The following CTNND2 variants were observed in gnomAD, a reference collection of about 807,000 sequenced individuals.
CTNND2 encodes catenin delta-2.
In CTNND2, 22 loss-of-function variants were observed where a neutral mutation model predicts 144.4. The observed-to-expected ratio is 0.15, with a 90% CI of 0.11 to 0.22. The LOEUF (loss-of-function observed/expected upper bound fraction) is 0.22, where lower values mean the gene tolerates loss of function less well. Ranked by LOEUF, CTNND2 falls within the 10% of genes least tolerant of loss-of-function variation. CTNND2 has a pLI of 1.00. For missense variants in CTNND2, 1,353 were observed against 1,618.8 expected, an observed-to-expected ratio of 0.84 and a Z score of 2.82; for synonymous variants, 751 against 695.6, an observed-to-expected ratio of 1.08 and a Z score of -1.25.
intron 10 of CTNND2, among the ~76,000 whole-genome samples, chr5:11,219,934 C>T (rs143176567): frequency 6.6e-6 from 1 of 152,244 alleles, no homozygotes; most frequent in African/African-American, 2.4e-5. Context: ...AATAGGGGGC[C>T]TACTTCTCAC....
intron 9 of CTNND2, among the ~76,000 whole-genome samples, chr5:11,293,617 TCA>T (rs1748593137): frequency 6.6e-6 from 1 of 151,742 alleles, no homozygotes; most frequent in Admixed American, 6.6e-5. Context: ...AACATTTCGT[TCA>T]CAGTTTATAT....
At chr5:11,865,405 G>A (rs1418929742) in intron 1 of CTNND2, among the ~76,000 whole-genome samples, 1 of 146,178 alleles carries the variant, frequency 6.8e-6, no homozygotes, top group Non-Finnish European at 1.5e-5. Context: ...GAGAAAGGGA[G>A]AGAATTTATC....
chr5:11,708,795 T>G (rs1275487658), intron 2 of CTNND2, among the ~76,000 whole-genome samples: 1 of 152,162 alleles, frequency 6.6e-6, no homozygotes, highest in African/African-American at 2.4e-5. Context: ...GAATGTTTCA[T>G]CACCCTGAAG....
chr5:11,384,420 G>C lies in CTNND2; in HGVS notation c.1177+245C>G. The C allele has an allele frequency of 1.9e-6, 1 of 540,498 alleles. No homozygotes were observed. The highest frequency in any genetic ancestry group is 3.3e-6 in the Non-Finnish European group (1 of 307,098). 33.5% of individuals were successfully genotyped at this position (540,498 alleles called of 1,614,324 possible). A position where few individuals can be genotyped will look rare whatever the true frequency, so the allele number is the denominator to read the frequency against. ...GGGAGAGGGCAGAGAGAGAAGAGAG[G>C]AGAGAAGAGAGTGATATAGGTGTTA... On this transcript the variant is annotated intron_variant, in intron 7 of 21. Coordinates refer to ENST00000304623, the MANE Select transcript of CTNND2 (RefSeq NM_001332.4). This position sits in a 1 kb window ranked among gnomAD's most constrained non-coding sequence, Gnocchi z 5.2.
At chr5:11,514,789 C>A (rs564665904) in intron 3 of CTNND2, among the ~76,000 whole-genome samples, 3 of 152,152 alleles carry the variant, frequency 2.0e-5, no homozygotes, top group Non-Finnish European at 4.4e-5. Context: ...CCCATTCCCC[C>A]CAAAAATCAC....
intron 1 of CTNND2, among the ~76,000 whole-genome samples, chr5:11,893,086 A>C (rs541762025): frequency 1.5e-4 from 23 of 152,210 alleles, no homozygotes; most frequent in Non-Finnish European, 2.2e-4. Context: ...CACTACTGTA[A>C]AATGCATGAT....
At chr5:11,564,731 A>C (rs958798524) in intron 3 of CTNND2, among the ~76,000 whole-genome samples, 3 of 152,230 alleles carry the variant, frequency 2.0e-5, no homozygotes, top group Non-Finnish European at 4.4e-5. Flanking sequence ...ATTTGCATTC[A>C]GGGCAGGCAT....
Position 11,428,702 on chromosome 5 carries a change from C to T in CTNND2, c.288-16633G>A, listed in dbSNP as rs573039007. ...ATTTCCTCTTAATATTCTAAGCATG[C>T]TCTGCATTTATTTCGCTGAATCTTG... On this transcript the variant is annotated intron_variant, in intron 3 of 21. Coordinates refer to ENST00000304623, the MANE Select transcript of CTNND2 (RefSeq NM_001332.4). Among the ~76,000 whole-genome samples the T allele has an allele frequency of 2.0e-5, 3 of 152,318 alleles. No homozygotes were observed. In the South Asian group the frequency reaches 6.2e-4, roughly 32 times the overall value.
chr5:11,420,878 C>A lies in CTNND2; in HGVS notation c.288-8809G>T, dbSNP rs553396371. Among the ~76,000 whole-genome samples, 71 of 152,244 alleles carry A rather than the reference C, an allele frequency of 4.7e-4. No individual in the cohort carries two copies. The South Asian group carries it at 6.7e-3, about 14-fold the overall frequency. On this transcript the variant is annotated intron_variant, in intron 3 of 21. Coordinates refer to ENST00000304623, the MANE Select transcript of CTNND2 (RefSeq NM_001332.4). The stretch of plus-strand genomic sequence containing the variant: ...TTTTTACAGGCTACAATGGATATAG[C>A]TACAGAATCTCAAAGCCTGGTATAT...
chr5:11,886,252 G>T (rs1582067318), intron 1 of CTNND2, among the ~76,000 whole-genome samples: 2 of 151,966 alleles, frequency 1.3e-5, no homozygotes, highest in African/African-American at 4.8e-5. Context: ...TAAATAAAAT[G>T]ACAAATATTT....
At chr5:11,177,658 G>A (rs1278520235) in intron 11 of CTNND2, among the ~76,000 whole-genome samples, 1 of 152,066 alleles carries the variant, frequency 6.6e-6, no homozygotes, top group Non-Finnish European at 1.5e-5. Flanking sequence ...CTTGTTCACA[G>A]ATAATTAGAT....
chr5:11,290,110 C>T (rs1748168307), intron 9 of CTNND2, among the ~76,000 whole-genome samples: 1 of 152,176 alleles, frequency 6.6e-6, no homozygotes, highest in Non-Finnish European at 1.5e-5. Context: ...TTACTTCATA[C>T]TCCTAAAGAG....
At chr5:11,405,400 GA>G (rs1307612987) in intron 5 of CTNND2, among the ~76,000 whole-genome samples, 1 of 152,124 alleles carries the variant, frequency 6.6e-6, no homozygotes, top group Non-Finnish European at 1.5e-5. Flanking sequence ...TACATGGTAG[GA>G]GGAAATCTAA....
chr5:11,787,476 T>C (rs537347201), intron 1 of CTNND2, among the ~76,000 whole-genome samples: 1 of 152,358 alleles, frequency 6.6e-6, no homozygotes, highest in African/African-American at 2.4e-5. Context: ...CACCATGAAG[T>C]AGACCCTTCA....
chr5:11,397,063 G>C lies in CTNND2; in HGVS notation c.580C>G (p.Gln194Glu). 6.2e-7 allele frequency: 1 copy of C among 1,613,900 alleles called. No homozygotes were observed. Among genetic ancestry groups the C allele is most frequent in the Non-Finnish European group, 8.5e-7 (1 of 1,180,024 alleles). ...AAGCTCTGGCCCGTAGCTCGGGCTT[G>C]TGTGCCTCGGGCCGGGAGCTGTGAA... ...TPSQLPARGTQARATGQSFSQ... is the reference protein window; with the variant it reads ...TPSQLPARGTEARATGQSFSQ... The change falls in exon 6 of 22, where the codon CAA becomes GAA. Residue 194 changes from glutamine (Q) to glutamate (E), a missense_variant. Gln to Glu is a conservative substitution (Grantham distance 29). Coordinates refer to ENST00000304623, the MANE Select transcript of CTNND2 (RefSeq NM_001332.4).
rs74616440 is a variant in CTNND2 at position 11,761,647 on chromosome 5, A to G, written c.38-29375T>C. Among the ~76,000 whole-genome samples the G allele has an allele frequency of 7.4e-3, 1,131 of 152,314 alleles. 3 individuals are homozygous for G. Among genetic ancestry groups the G allele is most frequent in the Non-Finnish European group, 0.011 (762 of 68,038 alleles). On this transcript the variant is annotated intron_variant, in intron 1 of 21. Transcript: ENST00000304623. ...TATTTCAATAAACTCAAGTTATTAGAGTTGCTACCTACTGATTTAGAACAA... is the reference window on the plus strand; with the variant it reads ...TATTTCAATAAACTCAAGTTATTAGGGTTGCTACCTACTGATTTAGAACAA...
At chr5:11,261,371 TTTG>T (rs1482328916) in intron 9 of CTNND2, among the ~76,000 whole-genome samples, 1 of 152,186 alleles carries the variant, frequency 6.6e-6, no homozygotes. Context: ...GAATACTTTA[TTTG>T]TTATTTGTTG....
chr5:11,870,536 C>T (rs1357467361), intron 1 of CTNND2, among the ~76,000 whole-genome samples: 3 of 152,128 alleles, frequency 2.0e-5, no homozygotes, highest in African/African-American at 7.2e-5. Context: ...TAAGTAAGCT[C>T]GAGGATAAAC....
intron 9 of CTNND2, among the ~76,000 whole-genome samples, chr5:11,258,337 T>C (rs1053908065): frequency 2.0e-5 from 3 of 152,162 alleles, no homozygotes; most frequent in Non-Finnish European, 4.4e-5. Context: ...CTTTCTTTTC[T>C]CTCCCTGGCA....
Sources: gnomAD v4.1 joint callset for allele counts (sites outside exome capture counted in the v4.1 genomes callset) on GRCh38, gnomAD v4.1.1 for gene constraint, Gnocchi (gnomAD v3.1) non-coding constraint, MANE v1.5 for transcripts, NCBI Gene and HGNC (gene_info 2026-07-23, HGNC 2026-07-21) for gene names.